The following XRCC4 variants were observed in gnomAD, a reference collection of about 807,000 sequenced individuals.
XRCC4 encodes DNA repair protein XRCC4.
XRCC4 carries 28 observed loss-of-function variants against 39.1 expected under a neutral mutation model. The ratio of observed to expected loss-of-function variants is 0.72; its 90% CI spans 0.53 to 0.98. The LOEUF is 0.98. Among genes scored for constraint, XRCC4 ranks in the 50% least tolerant of loss-of-function variants. The pLI, the probability that XRCC4 is intolerant of heterozygous loss-of-function variation, is 0.00. For synonymous variants in XRCC4, 123 were observed against 126.4 expected (o/e 0.97, Z 0.18); for missense variants, 350 against 376.4 (o/e 0.93, Z 0.58).
intron 7 of XRCC4, among the ~76,000 whole-genome samples, chr5:83,284,052 C>CAAAAAAAAAAAAAA (rs766161565): frequency 6.2e-5 from 1 of 16,100 alleles, no homozygotes; most frequent in Non-Finnish European, 1.3e-4. Flanking sequence ...CAACCCAGAG[C>CAAAAAAAAAAAAAA]AAAAAAAAAA....
intron 7 of XRCC4, among the ~76,000 whole-genome samples, chr5:83,265,383 G>A (rs894998679): frequency 2.0e-5 from 3 of 152,098 alleles, no homozygotes; most frequent in Non-Finnish European, 4.4e-5. Flanking sequence ...AGTAAACATG[G>A]TGGTGGTTTT....
chr5:83,254,122 T>A (rs1580429012), intron 6 of XRCC4, among the ~76,000 whole-genome samples: 2 of 142,064 alleles, frequency 1.4e-5, no homozygotes, highest in African/African-American at 2.6e-5. Flanking sequence ...AAAAAAAAAA[T>A]CCTGGAAATG....
chr5:83,362,318 A>G, the XRCC4 span, among the ~76,000 whole-genome samples: 5 of 141,528 alleles, frequency 3.5e-5, no homozygotes, highest in East Asian at 1.2e-3. Flanking sequence ...AAAAAAAAAA[A>G]CTATCTCATT....
At chr5:83,330,218 T>G (rs916590925) in intron 7 of XRCC4, among the ~76,000 whole-genome samples, 5 of 152,022 alleles carry the variant, frequency 3.3e-5, no homozygotes, top group African/African-American at 1.2e-4. Flanking sequence ...TCTTATACAC[T>G]ACTAAAGGAA....
At chr5:83,240,169 G>A (rs993175324) in intron 6 of XRCC4, among the ~76,000 whole-genome samples, 23 of 151,996 alleles carry the variant, frequency 1.5e-4, no homozygotes, top group South Asian at 8.3e-4. Context: ...GTGAGACCCC[G>A]ACTCAATAAA....
intron 6 of XRCC4, among the ~76,000 whole-genome samples, chr5:83,249,564 C>G (rs6452536): frequency 0.083 from 12,621 of 152,104 alleles, 797 homozygotes; most frequent in African/African-American, 0.17. Context: ...CAAAATTATT[C>G]CAGAGTTTTC....
intron 7 of XRCC4, among the ~76,000 whole-genome samples, chr5:83,269,361 G>A (rs1312511956): frequency 6.6e-6 from 1 of 151,736 alleles, no homozygotes; most frequent in East Asian, 1.9e-4. Context: ...AGGATAGGAT[G>A]TAATTTCAGA....
At chr5:83,239,688 G>T (rs1409375154) in intron 6 of XRCC4, among the ~76,000 whole-genome samples, 1 of 151,964 alleles carries the variant, frequency 6.6e-6, no homozygotes, top group Non-Finnish European at 1.5e-5. Context: ...AATTAGCCGG[G>T]CATGGTGGCG....
intron 3 of XRCC4, among the ~76,000 whole-genome samples, chr5:83,163,888 G>T (rs188396535): frequency 6.6e-6 from 1 of 152,314 alleles, no homozygotes; most frequent in Non-Finnish European, 1.5e-5. Context: ...TCAGAAACAT[G>T]TCCCTTGAGA....
chr5:83,301,623 G>T (rs1755288016), intron 7 of XRCC4, among the ~76,000 whole-genome samples: 1 of 152,114 alleles, frequency 6.6e-6, no homozygotes, highest in African/African-American at 2.4e-5. Context: ...AATTGCTTTT[G>T]GTGTTTTAGT....
chr5:83,105,019 A>G lies in XRCC4; in HGVS notation c.100A>G (p.Ile34Val). 2 of 1,613,616 alleles carry G rather than the reference A, an allele frequency of 1.2e-6. No individual in the cohort carries two copies. The highest frequency in any genetic ancestry group is 1.3e-5 in the African/African-American group (1 of 75,024). ...WEKTLESGFVITLTDGHSAWT... is the reference protein window; with the variant it reads ...WEKTLESGFVVTLTDGHSAWT... ...GAAAACACTGGAATCTGGTTTTGTT[A>G]TTACACTTACTGATGGTCATTCAGC... The change falls in exon 2 of 8, where the codon ATT (isoleucine) becomes GTT (valine). Residue 34 changes from isoleucine to valine, a missense_variant. Physicochemically the swap from Ile to Val is conservative, Grantham distance 29. Transcript: ENST00000396027.
chr5:83,328,972 A>G (rs995262219), intron 7 of XRCC4, among the ~76,000 whole-genome samples: 1 of 151,964 alleles, frequency 6.6e-6, no homozygotes, highest in Non-Finnish European at 1.5e-5. Context: ...GGGTCTCATT[A>G]TGTTGCCCAG....
At chr5:83,279,004 CAAA>C (rs529797820) in intron 7 of XRCC4, among the ~76,000 whole-genome samples, 2 of 61,016 alleles carry the variant, frequency 3.3e-5, no homozygotes, top group Admixed American at 2.0e-4. Flanking sequence ...CCATCTCTAC[CAAA>C]AAAAAAAAAA....
chr5:83,311,689 A>G (rs1282668316), intron 7 of XRCC4, among the ~76,000 whole-genome samples: 1 of 152,124 alleles, frequency 6.6e-6, no homozygotes, highest in Admixed American at 6.5e-5. Context: ...TGGAGCAAAC[A>G]TCAGAACAAA....
chr5:83,088,040 G>T (rs1440873699), intron 1 of XRCC4, among the ~76,000 whole-genome samples: 5 of 152,126 alleles, frequency 3.3e-5, no homozygotes, highest in Non-Finnish European at 7.4e-5. Context: ...CTAGTTGATT[G>T]TTGGTATTTC....
chr5:83,160,290 A>T (rs1749144400), intron 3 of XRCC4, among the ~76,000 whole-genome samples: 1 of 152,204 alleles, frequency 6.6e-6, no homozygotes, highest in South Asian at 2.1e-4. Flanking sequence ...AACTGAAGTC[A>T]CCTATGCATA....
chr5:83,145,610 G>A (rs1382369), intron 3 of XRCC4, among the ~76,000 whole-genome samples: 73,443 of 152,064 alleles, frequency 0.48, 18,712 homozygotes, highest in African/African-American at 0.63. Flanking sequence ...TTATCCATAG[G>A]ATTTAGAGCT....
chr5:83,079,193 A>G (rs770566201), intron 1 of XRCC4, among the ~76,000 whole-genome samples: 2 of 152,256 alleles, frequency 1.3e-5, no homozygotes, highest in Non-Finnish European at 2.9e-5. Context: ...CTTCTTATGT[A>G]CCTGAGCTTC....
chr5:83,353,242 A>G lies in XRCC4; in HGVS notation c.1005A>G (p.Ter335=), dbSNP rs1160851411. 1.0e-5 allele frequency: 16 copies of G among 1,585,864 alleles called. No homozygotes were observed. The South Asian group carries it at 1.5e-4, about 15-fold the overall frequency. ...CAGAAGACCTCTTTGATGAGATTTA[A>G]CAGTCTCAAAAAATACTTTGATGTT... The part of the protein sequence containing the change: ...SSPEDLFDEI[*] The change falls in exon 8 of 8, where the codon TAA becomes TAG. Residue 335 remains the stop codon, a stop_retained_variant. Coordinates refer to ENST00000396027, the MANE Select transcript of XRCC4 (RefSeq NM_003401.5).
Sources: gnomAD v4.1 joint callset for allele counts (sites outside exome capture counted in the v4.1 genomes callset) on GRCh38, gnomAD v4.1.1 for gene constraint, MANE v1.5 for transcripts, NCBI Gene and HGNC (gene_info 2026-07-23, HGNC 2026-07-21) for gene names.